The following MCTP1 variants were observed in gnomAD, a reference collection of about 807,000 sequenced individuals.
MCTP1 encodes multiple C2 and transmembrane domain containing 1.
MCTP1 carries 69 observed loss-of-function variants against 120.6 expected under a neutral mutation model. That is an observed-to-expected ratio of 0.57 (90% CI 0.47 to 0.70). The LOEUF is 0.70. MCTP1 is among the 30% of genes least tolerant of loss of function. The pLI is 0.00. For synonymous variants in MCTP1, 529 were observed against 493.1 expected, an observed-to-expected ratio of 1.07 and a Z score of -0.96; for missense variants, 1,203 against 1,248.8, an observed-to-expected ratio of 0.96 and a Z score of 0.55.
chr5:95,209,437 T>A (rs1752063695), intron 1 of MCTP1, among the ~76,000 whole-genome samples: 1 of 152,182 alleles, frequency 6.6e-6, no homozygotes, highest in Non-Finnish European at 1.5e-5. Context: ...TTTTCTACTG[T>A]TAGCAGAGTT....
chr5:95,209,849 C>G (rs1471110058), intron 1 of MCTP1, among the ~76,000 whole-genome samples: 1 of 152,198 alleles, frequency 6.6e-6, no homozygotes, highest in East Asian at 1.9e-4. Flanking sequence ...ATGAATGTGT[C>G]CCAGAGATTC....
intron 18 of MCTP1, among the ~76,000 whole-genome samples, chr5:94,784,589 A>G (rs1020802441): frequency 1.3e-5 from 2 of 152,082 alleles, no homozygotes; most frequent in African/African-American, 2.4e-5. Flanking sequence ...ATAAGATTCA[A>G]TCAAGTCTGG....
chr5:94,947,577 TAGAGAGAGAGAGAG>T (rs3030518), intron 3 of MCTP1, among the ~76,000 whole-genome samples: 53 of 47,402 alleles, frequency 1.1e-3, no homozygotes, highest in Middle Eastern at 0.027. Flanking sequence ...TATATATATA[TAGAGAGAGAGAGAG>T]AGAGAGAGAG....
intron 2 of MCTP1, among the ~76,000 whole-genome samples, chr5:95,008,259 A>G (rs1372321787): frequency 6.6e-6 from 1 of 152,136 alleles, no homozygotes; most frequent in Non-Finnish European, 1.5e-5. Flanking sequence ...AAGGCCGCCC[A>G]TTTCTGGAAG....
intron 19 of MCTP1, among the ~76,000 whole-genome samples, chr5:94,743,991 GTC>G (rs1421001914): frequency 6.6e-6 from 1 of 151,838 alleles, no homozygotes; most frequent in Admixed American, 6.6e-5. Context: ...CTTTTTCTGA[GTC>G]AGGATGTGGC....
chr5:94,975,433 G>A (rs1827885531), intron 2 of MCTP1, among the ~76,000 whole-genome samples: 1 of 151,822 alleles, frequency 6.6e-6, no homozygotes, highest in Admixed American at 6.6e-5. Context: ...GGCCTTCTGA[G>A]CACACAGCAG....
At chr5:95,283,163 C>G (rs886873863) in intron 1 of MCTP1, among the ~76,000 whole-genome samples, 4 of 152,164 alleles carry the variant, frequency 2.6e-5, no homozygotes, top group African/African-American at 4.8e-5. Flanking sequence ...CTTTTACAAA[C>G]CTTGACTCTT....
At chr5:94,901,284 T>C (rs1805460443) in intron 10 of MCTP1, among the ~76,000 whole-genome samples, 1 of 152,156 alleles carries the variant, frequency 6.6e-6, no homozygotes, top group African/African-American at 2.4e-5. Context: ...TCTAATTCAC[T>C]ATCACAAGCA....
chr5:94,949,408 A>G (rs1018903260), intron 3 of MCTP1, among the ~76,000 whole-genome samples: 4 of 152,142 alleles, frequency 2.6e-5, no homozygotes, highest in East Asian at 1.9e-4. Flanking sequence ...TACATTATAT[A>G]TAGATTTTAT....
chr5:94,931,898 CAGA>C (rs1352467882), intron 6 of MCTP1, 52 bp downstream of exon 6: 1 of 1,295,404 alleles, frequency 7.7e-7, no homozygotes, highest in African/African-American at 1.5e-5. Flanking sequence ...TCTGGGAAAG[CAGA>C]TGATAGTTCT....
chr5:94,844,360 C>CTTATATT (rs1273174811), intron 17 of MCTP1, among the ~76,000 whole-genome samples: 1 of 150,800 alleles, frequency 6.6e-6, no homozygotes, highest in African/African-American at 2.4e-5. Context: ...CCACCCTCCT[C>CTTATATT]TTATATTTTA....
chr5:94,750,776 G>C (rs1768097165), intron 19 of MCTP1, among the ~76,000 whole-genome samples: 1 of 152,150 alleles, frequency 6.6e-6, no homozygotes, highest in South Asian at 2.1e-4. Flanking sequence ...TAGTCATCTT[G>C]ACTGGTCTAT....
rs1562301785 is a variant in MCTP1, at chr5:95,284,069, CGAG to C, written c.504_506del (p.Ser169del). ...GGTCCCCCCTCGGGGGAGGCTGGGG[CGAG>C]GAGGACAGGGAGGATGAGGCGGAGG... is the stretch of plus-strand genomic sequence containing the variant. On this transcript the variant is annotated inframe_deletion, in exon 1 of 23. Transcript: ENST00000515393. The surrounding 1 kb of genome is among the most constrained non-coding windows in gnomAD (Gnocchi z 5.2). 1 of 1,541,846 alleles carries C rather than the reference CGAG, an allele frequency of 6.5e-7. No homozygotes were observed. Among genetic ancestry groups the C allele is most frequent in the Admixed American group, 2.0e-5 (1 of 49,914 alleles).
At chr5:94,765,862 GA>G (rs1772560196) in intron 19 of MCTP1, among the ~76,000 whole-genome samples, 1 of 151,152 alleles carries the variant, frequency 6.6e-6, no homozygotes, top group Admixed American at 6.6e-5. Flanking sequence ...AAATAAATCA[GA>G]ATTGAAAAAA....
intron 1 of MCTP1, among the ~76,000 whole-genome samples, chr5:95,086,239 G>T (rs900845206): frequency 1.3e-5 from 2 of 152,064 alleles, no homozygotes; most frequent in African/African-American, 4.8e-5. Context: ...TCCTTACAGG[G>T]TATCGGCTAT....
intron 1 of MCTP1, among the ~76,000 whole-genome samples, chr5:95,159,815 G>A (rs1745522199): frequency 6.6e-6 from 1 of 152,084 alleles, no homozygotes; most frequent in Admixed American, 6.6e-5. Context: ...GAAGCATCAA[G>A]TTCTACCTAG....
At chr5:95,017,109 T>C (rs140445797) in intron 2 of MCTP1, among the ~76,000 whole-genome samples, 78 of 152,128 alleles carry the variant, frequency 5.1e-4, no homozygotes, top group African/African-American at 1.8e-3. Context: ...ACATATGATA[T>C]AGAGTCTAAT....
At chr5:95,231,139 A>C (rs901629456) in intron 1 of MCTP1, among the ~76,000 whole-genome samples, 5 of 152,200 alleles carry the variant, frequency 3.3e-5, no homozygotes, top group Admixed American at 1.3e-4. Context: ...AAAGACTGAA[A>C]ATTTTTAAAT....
chr5:94,786,598 A>G (rs1262174784), intron 18 of MCTP1, among the ~76,000 whole-genome samples: 4 of 152,188 alleles, frequency 2.6e-5, no homozygotes, highest in African/African-American at 9.6e-5. Context: ...AGCTTCCCAC[A>G]ATATAACACA....
Sources: allele counts gnomAD v4.1 joint callset (sites outside exome capture counted in the v4.1 genomes callset), GRCh38; gene constraint gnomAD v4.1.1; non-coding constraint Gnocchi (gnomAD v3.1); transcripts MANE v1.5; gene names NCBI Gene and HGNC (gene_info 2026-07-23, HGNC 2026-07-21).